The following GABRB2 variants were observed in gnomAD, a reference collection of about 807,000 sequenced individuals.
GABRB2 encodes gamma-aminobutyric acid receptor subunit beta-2.
GABRB2 carries 16 observed loss-of-function variants against 54.7 expected under a neutral mutation model. The ratio of observed to expected loss-of-function variants is 0.29; its 90% CI spans 0.20 to 0.44. The LOEUF is 0.44. Among genes scored for constraint, GABRB2 ranks in the 20% least tolerant of loss-of-function variants. The pLI is 1.00. For missense variants in GABRB2, 355 were observed against 644.0 expected (o/e 0.55, Z 4.86); for synonymous variants, 244 against 233.8 (o/e 1.04, Z -0.40).
At chr5:161,475,426 CAATCTCATCCAG>C (rs1350387369) in intron 3 of GABRB2, among the ~76,000 whole-genome samples, 1 of 151,882 alleles carries the variant, frequency 6.6e-6, no homozygotes, top group Non-Finnish European at 1.5e-5. Flanking sequence ...CAATCCTCTC[CAATCTCATCCAG>C]AAAAAATAGG....
chr5:161,466,796 T>A (rs1408497605), intron 3 of GABRB2, among the ~76,000 whole-genome samples: 2 of 152,068 alleles, frequency 1.3e-5, no homozygotes, highest in Non-Finnish European at 2.9e-5. Flanking sequence ...TCATTTATCT[T>A]CATTTATATG....
chr5:161,503,469 G>T (rs1375527271), intron 3 of GABRB2, among the ~76,000 whole-genome samples: 1 of 152,066 alleles, frequency 6.6e-6, no homozygotes. Context: ...AATGTATTGG[G>T]AGGCTGAGGC....
rs148847847 is a variant in GABRB2 at position 161,492,116 on chromosome 5, T to C, written c.238-32272A>G. ...CAATCTTGCTTTTTAAATAAGAACT[T>C]ATGCCTTTACTGTAAGATCTCAGAA... is the stretch of plus-strand genomic sequence containing the variant. On this transcript the variant is annotated intron_variant, in intron 3 of 9. Transcript: ENST00000393959. Among the ~76,000 whole-genome samples the C allele has an allele frequency of 1.4e-3, 212 of 151,842 alleles. 1 individual carries two copies. The highest frequency in any genetic ancestry group is 3.4e-3 in the Middle Eastern group (1 of 294).
chr5:161,342,372 G>A (rs560210616), intron 5 of GABRB2, among the ~76,000 whole-genome samples: 14 of 152,018 alleles, frequency 9.2e-5, no homozygotes, highest in African/African-American at 3.4e-4. Flanking sequence ...TTATTAGTCT[G>A]TAAATAACTA....
At chr5:161,472,650 T>C (rs1194938499) in intron 3 of GABRB2, among the ~76,000 whole-genome samples, 1 of 151,948 alleles carries the variant, frequency 6.6e-6, no homozygotes, top group African/African-American at 2.4e-5. Flanking sequence ...AACTTTGTGT[T>C]AAATTATTAA....
chr5:161,492,085 A>T (rs1208975788), intron 3 of GABRB2, among the ~76,000 whole-genome samples: 2 of 151,692 alleles, frequency 1.3e-5, no homozygotes, highest in Non-Finnish European at 3.0e-5. Context: ...ATTAAAGTCC[A>T]TATTTCAATC....
chr5:161,531,554 A>C (rs950731910), intron 3 of GABRB2, among the ~76,000 whole-genome samples: 1 of 151,986 alleles, frequency 6.6e-6, no homozygotes, highest in Admixed American at 6.6e-5. Context: ...AGAGGTTTAG[A>C]CTCTAGAGGT....
intron 3 of GABRB2, among the ~76,000 whole-genome samples, chr5:161,515,730 G>C (rs1759920935): frequency 1.3e-5 from 2 of 152,146 alleles, no homozygotes; most frequent in Admixed American, 1.3e-4. Context: ...TCCATGGCTG[G>C]AAATTTTTAA....
In GABRB2 at chr5:161,479,877, C is replaced by T. The variant is rs115821117; in HGVS notation, c.238-20033G>A. Among the ~76,000 whole-genome samples, 1,328 of 152,096 alleles carry T rather than the reference C, an allele frequency of 8.7e-3. 12 individuals carry two copies. The highest frequency in any genetic ancestry group is 0.015 in the Non-Finnish European group (1,026 of 67,954). On this transcript the variant is annotated intron_variant, in intron 3 of 9. Transcript: ENST00000393959. Reference sequence around the variant, plus strand: ...TACTGGGATTACAGGTGTGAGTCACCGCACCCAGCTGAAACTTCTTTATAA... The same window carrying T: ...TACTGGGATTACAGGTGTGAGTCACTGCACCCAGCTGAAACTTCTTTATAA...
At chr5:161,402,477 T>C (rs2113085111) in intron 5 of GABRB2, among the ~76,000 whole-genome samples, 1 of 152,246 alleles carries the variant, frequency 6.6e-6, no homozygotes, top group Non-Finnish European at 1.5e-5. Context: ...AATAAATCCA[T>C]ACTAGCATTA....
intron 3 of GABRB2, among the ~76,000 whole-genome samples, chr5:161,528,839 G>T (rs1418698065): frequency 6.6e-6 from 1 of 151,810 alleles, no homozygotes; most frequent in East Asian, 1.9e-4. Flanking sequence ...GATTATTCCC[G>T]ATCTTAAAAA....
At chr5:161,321,236 A>G (rs1758199446) in intron 9 of GABRB2, among the ~76,000 whole-genome samples, 1 of 152,092 alleles carries the variant, frequency 6.6e-6, no homozygotes, top group African/African-American at 2.4e-5. Flanking sequence ...TCTAAAAATA[A>G]AAGAGTAAAT....
At chr5:161,347,991 A>G (rs913435194) in intron 5 of GABRB2, among the ~76,000 whole-genome samples, 4 of 152,106 alleles carry the variant, frequency 2.6e-5, no homozygotes, top group African/African-American at 9.7e-5. Context: ...CATAACACAA[A>G]TCAGAAGTCC....
chr5:161,443,588 A>G (rs961900422), intron 4 of GABRB2, among the ~76,000 whole-genome samples: 1 of 152,142 alleles, frequency 6.6e-6, no homozygotes, highest in Non-Finnish European at 1.5e-5. Flanking sequence ...CTGATAATCC[A>G]TATTATTTGG....
At chr5:161,323,913 C>A (rs2113385320) in intron 9 of GABRB2, among the ~76,000 whole-genome samples, 1 of 152,284 alleles carries the variant, frequency 6.6e-6, no homozygotes, top group South Asian at 2.1e-4. Context: ...ACTTTAGAGT[C>A]ATATAACTTT....
At chr5:161,452,548 C>T (rs1757818817) in intron 4 of GABRB2, among the ~76,000 whole-genome samples, 1 of 152,134 alleles carries the variant, frequency 6.6e-6, no homozygotes, top group South Asian at 2.1e-4. Flanking sequence ...TGATTTTTAC[C>T]TGCTTGCGCT....
intron 4 of GABRB2, among the ~76,000 whole-genome samples, chr5:161,442,209 C>A (rs1580989767): frequency 6.6e-6 from 1 of 151,778 alleles, no homozygotes; most frequent in Non-Finnish European, 1.5e-5. Context: ...CTCATGTATC[C>A]CATAAATACA....
intron 5 of GABRB2, among the ~76,000 whole-genome samples, chr5:161,390,962 G>A (rs969152506): frequency 3.2e-4 from 49 of 152,216 alleles, no homozygotes; most frequent in Non-Finnish European, 2.4e-4. Flanking sequence ...AAAATTTACG[G>A]TTCAGGGACT....
chr5:161,470,711 A>G (rs1384017597), intron 3 of GABRB2, among the ~76,000 whole-genome samples: 2 of 151,958 alleles, frequency 1.3e-5, no homozygotes, highest in African/African-American at 4.8e-5. Flanking sequence ...ACGGCACTCA[A>G]TTTACAGTTT....
Sources: allele counts gnomAD v4.1 joint callset (sites outside exome capture counted in the v4.1 genomes callset), GRCh38; gene constraint gnomAD v4.1.1; transcripts MANE v1.5; gene names NCBI Gene and HGNC (gene_info 2026-07-23, HGNC 2026-07-21).